Variants in SWT1 observed in about 807,000 individuals in gnomAD.
The protein encoded by SWT1 is SWT1 RNA endoribonuclease homolog.
A neutral mutation model predicts 107.3 loss-of-function variants in SWT1; 33 were observed. The observed-to-expected ratio is 0.31, with a 90% CI of 0.23 to 0.41. The LOEUF (loss-of-function observed/expected upper bound fraction) is 0.41. Among genes scored for constraint, SWT1 ranks in the 10% least tolerant of loss-of-function variants. The pLI, the probability that SWT1 is intolerant of heterozygous loss-of-function variation, is 1.00. For synonymous variants in SWT1, 345 were observed against 348.3 expected (o/e 0.99, Z 0.11); for missense variants, 898 against 1,028.9 (o/e 0.87, Z 1.74).
intron 16 of SWT1, among the ~76,000 whole-genome samples, chr1:185,268,301 CTAAA>C (rs746710920): frequency 1.6e-4 from 24 of 152,272 alleles, no homozygotes; most frequent in Non-Finnish European, 1.6e-4. Context: ...TGTGAAATAA[CTAAA>C]TATTTACATT....
chr1:185,205,324 A>G (rs1255395142), intron 12 of SWT1, among the ~76,000 whole-genome samples: 1 of 152,144 alleles, frequency 6.6e-6, no homozygotes, highest in Non-Finnish European at 1.5e-5. Context: ...CTTTTTGACA[A>G]TCAGTAAAAC....
chr1:185,160,759 A>G (rs184776968), intron 1 of SWT1, 74 bp from the exon 2 acceptor site: 20 of 1,062,616 alleles, frequency 1.9e-5, no homozygotes, highest in South Asian at 1.9e-4. Flanking sequence ...ATCTTTATAT[A>G]ACTGAAAGAA....
chr1:185,183,430 A>G (rs538436356), intron 7 of SWT1, among the ~76,000 whole-genome samples: 24 of 152,060 alleles, frequency 1.6e-4, no homozygotes, highest in African/African-American at 5.5e-4. Flanking sequence ...AGCTGGGACT[A>G]CAGGCGTGTG....
chr1:185,274,472 A>T (rs2102745345), intron 17 of SWT1, among the ~76,000 whole-genome samples: 1 of 151,910 alleles, frequency 6.6e-6, no homozygotes, highest in South Asian at 2.1e-4. Context: ...ACAGATTTTT[A>T]AAATCATTTC....
Position 185,222,056 on chromosome 1 carries a change from T to A in SWT1, c.2309+20T>A. The A allele has an allele frequency of 2.1e-6, 3 of 1,437,438 alleles. No individual in the cohort carries two copies. Among genetic ancestry groups the A allele is most frequent in the African/African-American group, 1.5e-5 (1 of 68,386 alleles). The allele number at this position is 1,437,438 out of a possible 1,614,324, so 89.0% of individuals were successfully genotyped here. A position where few individuals can be genotyped will look rare whatever the true frequency, so the allele number is the denominator to read the frequency against. On this transcript the variant is annotated intron_variant, in intron 15 of 18. Coordinates refer to ENST00000367500, the MANE Select transcript of SWT1 (RefSeq NM_017673.7). ...GAACAGGTACTAAATTTGGGGGAAT[T>A]TTTTTTTAGTTATTTTTTAAATTGA...
chr1:185,168,531 T>G (rs1339777760), intron 4 of SWT1, 133 bp downstream of exon 4: 1 of 357,496 alleles, frequency 2.8e-6, no homozygotes, highest in African/African-American at 2.2e-5. Context: ...TATAACTGAT[T>G]ATGATTATAG....
In SWT1 at chr1:185,214,557, A is replaced by G; in HGVS notation, c.2023A>G (p.Arg675Gly). 6 of 1,611,598 alleles carry G rather than the reference A, an allele frequency of 3.7e-6. No homozygotes were observed. In the South Asian group the frequency reaches 4.4e-5, roughly 12 times the overall value. ...AGTCAAATTCTTGCTTCAGGATTCT[A>G]GAAGTTTGTTACATGCTTTCAGTAC... ...TTVKFLLQDS[R>G]SLLHAFSTRS... is the part of the protein sequence containing the mutation. The change falls in exon 14 of 19, where the codon AGA (arginine) becomes GGA (glycine). Residue 675 changes from arginine to glycine, a missense_variant. Transcript: ENST00000367500.
In SWT1 at chr1:185,290,764, CAG is replaced by C. The variant is rs750948501; in HGVS notation, c.2665_2666del (p.Arg889GlyfsTer4). The C allele has an allele frequency of 2.1e-5, 34 of 1,611,350 alleles. No individual in the cohort carries two copies. Among genetic ancestry groups the C allele is most frequent in the Middle Eastern group, 1.6e-4 (1 of 6,064 alleles). The stretch of plus-strand genomic sequence containing the variant: ...CATCTGTTTATATGGAGGCCAAAAA[CAG>C]GGGATGGTGTGAAGACATGCTCAAC... ...NASVYMEAKN[R>X]GWCEDMLNYR... On this transcript the variant is annotated frameshift_variant, in exon 19 of 19. Coordinates refer to ENST00000367500, the MANE Select transcript of SWT1 (RefSeq NM_017673.7). LOFTEE classifies it high-confidence loss of function.
intron 10 of SWT1, among the ~76,000 whole-genome samples, chr1:185,192,750 C>T (rs939139909): frequency 8.6e-5 from 13 of 151,228 alleles, no homozygotes; most frequent in Admixed American, 4.0e-4. Context: ...TGGGTTCAAG[C>T]GATTCTCCTG....
Position 185,167,232 on chromosome 1 carries a change from A to G in SWT1, c.165+580A>G, listed in dbSNP as rs553010078. On this transcript the variant is annotated intron_variant, in intron 3 of 18. Transcript: ENST00000367500. ...ATACATTGTTTGCATTTTCAGATTCAGAAATCGAAGTCTAGAAGGTTAAGT... is the reference window on the plus strand; with the variant it reads ...ATACATTGTTTGCATTTTCAGATTCGGAAATCGAAGTCTAGAAGGTTAAGT... Among the ~76,000 whole-genome samples the G allele has an allele frequency of 4.1e-4, 62 of 152,328 alleles. No homozygotes were observed. In the South Asian group the frequency reaches 0.013, roughly 31 times the overall value.
chr1:185,166,387 G>C (rs1654569447), intron 2 of SWT1, among the ~76,000 whole-genome samples, 185 bp from the exon 3 acceptor site: 1 of 152,174 alleles, frequency 6.6e-6, no homozygotes, highest in African/African-American at 2.4e-5. Flanking sequence ...GCATTTAGGG[G>C]TTCTGGCTTC....
intron 10 of SWT1, among the ~76,000 whole-genome samples, chr1:185,197,300 C>T (rs544663233): frequency 6.6e-5 from 10 of 152,202 alleles, no homozygotes; most frequent in African/African-American, 2.2e-4. Flanking sequence ...GCCTTGCATC[C>T]CAGGGATGAA....
chr1:185,254,191 T>C (rs1290131846), intron 16 of SWT1, among the ~76,000 whole-genome samples: 114 of 112,254 alleles, frequency 1.0e-3, no homozygotes, highest in Non-Finnish European at 1.5e-3. Flanking sequence ...CAGTATTTTA[T>C]TGAGGATTTT....
intron 10 of SWT1, among the ~76,000 whole-genome samples, chr1:185,193,505 C>T (rs1311520335): frequency 4.0e-5 from 6 of 149,438 alleles, no homozygotes; most frequent in East Asian, 2.0e-4. Flanking sequence ...CTCACTTGGT[C>T]GCCCAGGCTG....
At chr1:185,195,173 G>A (rs769080097) in intron 10 of SWT1, among the ~76,000 whole-genome samples, 14 of 151,986 alleles carry the variant, frequency 9.2e-5, no homozygotes, top group South Asian at 4.2e-4. Flanking sequence ...GACAGGCCCC[G>A]GTATGTGGTG....
chr1:185,264,575 C>A, intron 16 of SWT1: 2 of 435,340 alleles, frequency 4.6e-6, no homozygotes, highest in Non-Finnish European at 6.1e-6. Flanking sequence ...CTTAATATGC[C>A]TGTGACATAA....
At chr1:185,267,696 G>A (rs557655034) in intron 16 of SWT1, among the ~76,000 whole-genome samples, 160 of 152,114 alleles carry the variant, frequency 1.1e-3, no homozygotes, top group Non-Finnish European at 7.6e-4. Context: ...TCTTTTTAAA[G>A]GACAAATATG....
At chr1:185,280,218 T>C (rs1262806404) in intron 18 of SWT1, among the ~76,000 whole-genome samples, 2 of 152,196 alleles carry the variant, frequency 1.3e-5, no homozygotes, top group Non-Finnish European at 2.9e-5. Flanking sequence ...TTCTCATTCC[T>C]GCTGCCTTGC....
intron 18 of SWT1, among the ~76,000 whole-genome samples, chr1:185,277,144 C>T (rs1418713421): frequency 6.6e-6 from 1 of 152,200 alleles, no homozygotes; most frequent in African/African-American, 2.4e-5. Flanking sequence ...ATTCTTACAA[C>T]TGCTTTTGCA....
Sources: allele counts gnomAD v4.1 joint callset (sites outside exome capture counted in the v4.1 genomes callset), GRCh38; gene constraint gnomAD v4.1.1; transcripts MANE v1.5; gene names NCBI Gene and HGNC (gene_info 2026-07-23, HGNC 2026-07-21).